Variants in TOP6BL observed in about 807,000 individuals in gnomAD.
TOP6BL encodes TOP6B like initiator of meiotic double strand breaks, also known as type 2 DNA topoisomerase 6 subunit B-like.
At chr11:66,838,392 C>T in the TOP6BL span, 1 of 1,613,930 alleles carries the variant, frequency 6.2e-7, no homozygotes, top group Non-Finnish European at 8.5e-7. Flanking sequence ...AAAAAGGACT[C>T]AGCCCAGGGC....
At chr11:66,759,106 T>G in the TOP6BL span, 1 of 1,512,530 alleles carries the variant, frequency 6.6e-7, no homozygotes, top group Non-Finnish European at 9.0e-7. Context: ...GGTAAAGAAT[T>G]ACCTAACTTC....
the TOP6BL span, chr11:66,816,047 C>T: frequency 6.3e-7 from 1 of 1,590,082 alleles, no homozygotes; most frequent in East Asian, 2.3e-5. Context: ...ATATCTTGTC[C>T]TCTAGATTTG....
the TOP6BL span, among the ~76,000 whole-genome samples, chr11:66,765,833 T>A: frequency 6.6e-6 from 1 of 152,216 alleles, no homozygotes; most frequent in Non-Finnish European, 1.5e-5. Context: ...TCTTACTAAT[T>A]AGTAACAAAA....
the TOP6BL span, among the ~76,000 whole-genome samples, chr11:66,797,942 A>G: frequency 0.012 from 1,807 of 152,238 alleles, 39 homozygotes; most frequent in African/African-American, 0.04. Flanking sequence ...CTTTTTGCCT[A>G]TTGTTTCAGT....
the TOP6BL span, among the ~76,000 whole-genome samples, chr11:66,825,641 A>T: frequency 3.3e-5 from 5 of 152,178 alleles, no homozygotes; most frequent in African/African-American, 1.2e-4. Flanking sequence ...TGCCTCCAGC[A>T]CTGTGAGAAA....
chr11:66,755,747 C>G, the TOP6BL span, among the ~76,000 whole-genome samples: 2 of 152,150 alleles, frequency 1.3e-5, no homozygotes, highest in African/African-American at 2.4e-5. Context: ...TCTGGAGACT[C>G]AGAAATCTGT....
chr11:66,821,544 G>A, the TOP6BL span: 1 of 1,363,942 alleles, frequency 7.3e-7, no homozygotes, highest in Non-Finnish European at 1.0e-6. Flanking sequence ...CAAAGTGCTG[G>A]GATTACAGGC....
At chr11:66,810,462 A>G in the TOP6BL span, among the ~76,000 whole-genome samples, 6,792 of 152,296 alleles carry the variant, frequency 0.045, 179 homozygotes, top group Non-Finnish European at 0.066. Flanking sequence ...TGCCAAGGTT[A>G]AGGATGTTCC....
At chr11:66,806,508 C>T in the TOP6BL span, among the ~76,000 whole-genome samples, 1 of 152,150 alleles carries the variant, frequency 6.6e-6, no homozygotes, top group East Asian at 1.9e-4. Flanking sequence ...TGGCTCATGC[C>T]TGTAATCCCA....
the TOP6BL span, chr11:66,748,253 T>C: frequency 5.4e-6 from 4 of 745,710 alleles, no homozygotes; most frequent in Non-Finnish European, 8.3e-6. Flanking sequence ...AAATCTGACA[T>C]TTTAGAAGCA....
chr11:66,804,143 A>G, the TOP6BL span: 1 of 1,613,786 alleles, frequency 6.2e-7, no homozygotes, highest in Non-Finnish European at 8.5e-7. Flanking sequence ...ACTGTGCCCC[A>G]GCCCAAAGGT....
At chr11:66,767,555 A>G in the TOP6BL span, among the ~76,000 whole-genome samples, 1 of 152,114 alleles carries the variant, frequency 6.6e-6, no homozygotes, top group Non-Finnish European at 1.5e-5. Context: ...ATGTTTATTG[A>G]CATAACTTAG....
chr11:66,776,376 C>T, the TOP6BL span, among the ~76,000 whole-genome samples: 1 of 151,870 alleles, frequency 6.6e-6, no homozygotes, highest in Admixed American at 6.6e-5. Flanking sequence ...TACTTCTTTT[C>T]CTTGTCATAT....
At chr11:66,837,736 C>T in the TOP6BL span, among the ~76,000 whole-genome samples, 6 of 152,152 alleles carry the variant, frequency 3.9e-5, no homozygotes, top group African/African-American at 9.7e-5. Flanking sequence ...TGAGCCACCG[C>T]GCCTGGCTAT....
chr11:66,762,396 G>A, the TOP6BL span: 2 of 353,406 alleles, frequency 5.7e-6, no homozygotes, highest in South Asian at 2.5e-5. Flanking sequence ...AGCAGTGGCA[G>A]CATGGCGGAG....
chr11:66,781,820 G>C, the TOP6BL span, among the ~76,000 whole-genome samples: 1 of 152,292 alleles, frequency 6.6e-6, no homozygotes, highest in South Asian at 2.1e-4. Flanking sequence ...TTATAGGCAT[G>C]AGCCTGGCCC....
the TOP6BL span, chr11:66,800,736 T>C: frequency 6.7e-7 from 1 of 1,493,126 alleles, no homozygotes. Context: ...ATGCTATGGC[T>C]CTGCAATTTT....
At chr11:66,842,083 G>C in the TOP6BL span, among the ~76,000 whole-genome samples, 1 of 152,076 alleles carries the variant, frequency 6.6e-6, no homozygotes, top group East Asian at 1.9e-4. Context: ...TGTGGTTCCT[G>C]GTACTCTGGA....
chr11:66,781,414 T>G, the TOP6BL span, among the ~76,000 whole-genome samples: 1 of 152,200 alleles, frequency 6.6e-6, no homozygotes, highest in Non-Finnish European at 1.5e-5. Flanking sequence ...TTTTGTATAG[T>G]GTTATCTGCT....
Sources: allele counts gnomAD v4.1 joint callset (sites outside exome capture counted in the v4.1 genomes callset), GRCh38; gene constraint gnomAD v4.1.1; transcripts MANE v1.5; gene names NCBI Gene and HGNC (gene_info 2026-07-23, HGNC 2026-07-21).